RCOR1: variants seen among roughly 807,000 people sequenced by gnomAD.
RCOR1 encodes REST corepressor.
A neutral mutation model predicts 64.0 loss-of-function variants in RCOR1; 12 were observed. That is an observed-to-expected ratio of 0.19 (90% CI 0.12 to 0.30). The LOEUF (loss-of-function observed/expected upper bound fraction) is 0.30. RCOR1 is among the 10% of genes least tolerant of loss of function. The pLI, the probability that RCOR1 is intolerant of heterozygous loss-of-function variation, is 1.00. For missense variants in RCOR1, 502 were observed against 621.2 expected (o/e 0.81, Z 2.04); for synonymous variants, 279 against 227.2 (o/e 1.23, Z -2.05).
intron 2 of RCOR1, among the ~76,000 whole-genome samples, chr14:102,681,170 G>C (rs1170723950): frequency 6.6e-6 from 1 of 152,058 alleles, no homozygotes; most frequent in Non-Finnish European, 1.5e-5. Flanking sequence ...TAGAGTTTAG[G>C]TTCCATAACT....
chr14:102,635,681 A>G (rs1297896389), intron 2 of RCOR1, among the ~76,000 whole-genome samples: 4 of 152,002 alleles, frequency 2.6e-5, no homozygotes, highest in African/African-American at 7.3e-5. Flanking sequence ...AATATTCTGT[A>G]TTACAACTAA....
rs1355658754 is a variant in RCOR1 at position 102,592,964 on chromosome 14, C to G, written c.78C>G (p.Ser26=). 2.6e-6 allele frequency: 3 copies of G among 1,148,430 alleles called. No individual in the cohort carries two copies. The highest frequency in any genetic ancestry group is 3.2e-6 in the Non-Finnish European group (3 of 930,444). 71.1% of individuals were successfully genotyped at this position (1,148,430 alleles called of 1,614,324 possible). A position where few individuals can be genotyped will look rare whatever the true frequency, so the allele number is the denominator to read the frequency against. Residue 26 remains serine (S), a synonymous_variant, in exon 1 of 12, where the codon TCC becomes TCG. Coordinates refer to ENST00000262241, the MANE Select transcript of RCOR1 (RefSeq NM_015156.4). The part of the protein sequence containing the change: ...RGRNNAAASA[S]AAAASAAASA... ...GGAACAACGCGGCCGCCTCCGCCTC[C>G]GCCGCCGCCGCCTCCGCCGCCGCCT...
intron 2 of RCOR1, chr14:102,657,647 G>A (rs1191408819): frequency 3.7e-6 from 2 of 540,530 alleles, no homozygotes; most frequent in African/African-American, 2.1e-5. Context: ...AGACCAGCCT[G>A]GCTAACATGG....
At position 102,664,962 on chromosome 14, in the gene RCOR1, G is replaced by A. The variant is rs60360610; in HGVS notation, c.362-16933G>A. Among the ~76,000 whole-genome samples, 939 of 152,106 alleles carry A rather than the reference G, an allele frequency of 6.2e-3. 9 individuals are homozygous for A. Among genetic ancestry groups the A allele is most frequent in the African/African-American group, 0.022 (894 of 41,480 alleles). On this transcript the variant is annotated intron_variant, in intron 2 of 11. Coordinates refer to ENST00000262241, the MANE Select transcript of RCOR1 (RefSeq NM_015156.4). ...TATTTTGAATTTTGATCTTTTCCTC[G>A]GCTAGCAATATGTGGTGTAATACCC...
chr14:102,667,920 T>G (rs894712604), intron 2 of RCOR1, among the ~76,000 whole-genome samples: 2 of 152,204 alleles, frequency 1.3e-5, no homozygotes, highest in African/African-American at 4.8e-5. Flanking sequence ...GTCAAGATGC[T>G]TTTTGAGTTG....
At chr14:102,601,775 T>G (rs7154538) in intron 2 of RCOR1, among the ~76,000 whole-genome samples, 3 of 152,034 alleles carry the variant, frequency 2.0e-5, no homozygotes, top group Non-Finnish European at 4.4e-5. Flanking sequence ...GTAGTAGATT[T>G]CTGGTAGCTG....
At chr14:102,604,216 C>T (rs1893458253) in intron 2 of RCOR1, among the ~76,000 whole-genome samples, 1 of 152,164 alleles carries the variant, frequency 6.6e-6, no homozygotes, top group African/African-American at 2.4e-5. Flanking sequence ...TTGAAAAGCT[C>T]TGATTTAATT....
chr14:102,628,062 A>C (rs986149178), intron 2 of RCOR1, among the ~76,000 whole-genome samples: 2 of 152,228 alleles, frequency 1.3e-5, no homozygotes, highest in African/African-American at 4.8e-5. Flanking sequence ...GATAGCTGAC[A>C]GGGTAAGTTC....
At chr14:102,683,526 C>T (rs550311074) in intron 3 of RCOR1, among the ~76,000 whole-genome samples, 1 of 152,350 alleles carries the variant, frequency 6.6e-6, no homozygotes, top group Admixed American at 6.5e-5. Context: ...TCCCCCCGAT[C>T]CCAGACCCTG....
At chr14:102,662,118 T>C in intron 2 of RCOR1, 1 of 355,182 alleles carries the variant, frequency 2.8e-6, no homozygotes, top group Non-Finnish European at 5.5e-6. Flanking sequence ...GTCATTTGCA[T>C]GTTGTACTTC....
intron 2 of RCOR1, among the ~76,000 whole-genome samples, chr14:102,678,133 A>C (rs1425812292): frequency 6.6e-6 from 1 of 151,762 alleles, no homozygotes; most frequent in Non-Finnish European, 1.5e-5. Flanking sequence ...GGGAGGTTGC[A>C]GTGAGCCGAG....
Position 102,728,269 on chromosome 14 carries a change from G to A in RCOR1, c.*1763G>A, listed in dbSNP as rs1896309633. The A allele has an allele frequency of 6.6e-6, 1 of 152,158 alleles. No homozygotes were observed. The highest frequency in any genetic ancestry group is 1.5e-5 in the Non-Finnish European group (1 of 68,058). 9.4% of individuals were successfully genotyped at this position (152,158 alleles called of 1,614,324 possible). A position where few individuals can be genotyped will look rare whatever the true frequency, so the allele number is the denominator to read the frequency against. On this transcript the variant is annotated 3_prime_UTR_variant, in exon 12 of 12. Transcript: ENST00000262241. ...CATCTCGTTCCCGTGCCAGGTGTGT[G>A]TTGGTCACGTAAAAGCCTGGGAAGC...
rs574503272 is a variant in RCOR1, at chr14:102,724,577, C to T, written c.1420-1891C>T. Among the ~76,000 whole-genome samples, 13 of 152,324 alleles carry T rather than the reference C, an allele frequency of 8.5e-5. No homozygotes were observed. In the East Asian group the frequency reaches 2.5e-3, roughly 29 times the overall value. ...AAAACTGCTGATCTCAAGTGATCCGCTCGCCTCTGCCTCCCAAAGTGCTGG... is the reference window on the plus strand; with the variant it reads ...AAAACTGCTGATCTCAAGTGATCCGTTCGCCTCTGCCTCCCAAAGTGCTGG... On this transcript the variant is annotated intron_variant, in intron 11 of 11. Coordinates refer to ENST00000262241, the MANE Select transcript of RCOR1 (RefSeq NM_015156.4).
intron 2 of RCOR1, among the ~76,000 whole-genome samples, chr14:102,639,733 A>G (rs1435483396): frequency 6.6e-6 from 1 of 151,628 alleles, no homozygotes. Context: ...CAGTTTCACC[A>G]TGTTGGCCGG....
chr14:102,691,442 C>G (rs1895531719), intron 3 of RCOR1, among the ~76,000 whole-genome samples: 1 of 152,032 alleles, frequency 6.6e-6, no homozygotes, highest in African/African-American at 2.4e-5. Context: ...GCCCCCGATT[C>G]TAAAATAAAA....
chr14:102,703,339 T>C (rs1006204791), intron 4 of RCOR1, among the ~76,000 whole-genome samples: 3 of 152,184 alleles, frequency 2.0e-5, no homozygotes, highest in African/African-American at 7.2e-5. Context: ...TGTTGAAAGA[T>C]GTGAATATAA....
intron 2 of RCOR1, among the ~76,000 whole-genome samples, chr14:102,678,571 C>T (rs574396529): frequency 6.6e-6 from 1 of 152,186 alleles, no homozygotes; most frequent in South Asian, 2.1e-4. Flanking sequence ...GGATTACAGG[C>T]GTGAGTCACT....
chr14:102,652,097 G>A (rs542098159), intron 2 of RCOR1, among the ~76,000 whole-genome samples: 1 of 152,308 alleles, frequency 6.6e-6, no homozygotes, highest in African/African-American at 2.4e-5. Flanking sequence ...TCTTAAAAGT[G>A]TCCTTATGAT....
At chr14:102,659,755 A>ATAATAAATCTGAAT (rs1894794800) in intron 2 of RCOR1, among the ~76,000 whole-genome samples, 1 of 152,196 alleles carries the variant, frequency 6.6e-6, no homozygotes, top group African/African-American at 2.4e-5. Flanking sequence ...TGCCATTTAT[A>ATAATAAATCTGAAT]TAATAAATCT....
Sources: gnomAD v4.1 joint callset for allele counts (sites outside exome capture counted in the v4.1 genomes callset) on GRCh38, gnomAD v4.1.1 for gene constraint, MANE v1.5 for transcripts, NCBI Gene and HGNC (gene_info 2026-07-23, HGNC 2026-07-21) for gene names.